The following CSMD1 variants were observed in gnomAD, a reference collection of about 807,000 sequenced individuals.
The protein encoded by CSMD1 is CUB and Sushi multiple domains 1.
Under a neutral mutation model 417.5 loss-of-function variants are expected in CSMD1, and 213 were observed. The ratio of observed to expected loss-of-function variants is 0.51; its 90% CI spans 0.46 to 0.57. The LOEUF (loss-of-function observed/expected upper bound fraction) is 0.57, where lower values mean the gene tolerates loss of function less well. Among genes scored for constraint, CSMD1 ranks in the 20% least tolerant of loss-of-function variants. CSMD1 has a pLI of 0.00. For synonymous variants in CSMD1, 2,862 were observed against 1,736.8 expected (o/e 1.65, Z -16.11); for missense variants, 6,923 against 4,529.7 (o/e 1.53, Z -15.17).
intron 1 of CSMD1, among the ~76,000 whole-genome samples, chr8:4,843,120 A>G (rs1214610365): frequency 6.6e-6 from 1 of 152,182 alleles, no homozygotes; most frequent in Non-Finnish European, 1.5e-5. Context: ...TTGAGAGTCG[A>G]GGAAATGAAC....
chr8:4,472,656 A>G (rs1421127991), intron 2 of CSMD1, among the ~76,000 whole-genome samples: 1 of 152,090 alleles, frequency 6.6e-6, no homozygotes, highest in East Asian at 1.9e-4. Flanking sequence ...CAAATAATTT[A>G]TAAAATATTA....
At chr8:3,439,857 C>T (rs981843615) in intron 12 of CSMD1, among the ~76,000 whole-genome samples, 3 of 152,140 alleles carry the variant, frequency 2.0e-5, no homozygotes, top group South Asian at 2.1e-4. Flanking sequence ...CACATGGAGG[C>T]ACATTTTTGG....
At chr8:3,812,933 C>T (rs550129134) in intron 5 of CSMD1, among the ~76,000 whole-genome samples, 37 of 152,188 alleles carry the variant, frequency 2.4e-4, no homozygotes, top group East Asian at 5.8e-4. Flanking sequence ...TCTTTGATAA[C>T]GTCAGGTATC....
chr8:4,717,385 A>G (rs1320538215), intron 1 of CSMD1, among the ~76,000 whole-genome samples: 5 of 137,312 alleles, frequency 3.6e-5, no homozygotes, highest in Admixed American at 1.4e-4. Context: ...ACACACACAC[A>G]TATACATACA....
At chr8:4,633,281 C>G (rs1022298816) in intron 2 of CSMD1, among the ~76,000 whole-genome samples, 1 of 152,154 alleles carries the variant, frequency 6.6e-6, no homozygotes, top group South Asian at 2.1e-4. Context: ...GAGTTTCAGT[C>G]TGTCCCCCAG....
chr8:4,419,449 T>G (rs986209522), intron 3 of CSMD1, among the ~76,000 whole-genome samples: 1 of 152,146 alleles, frequency 6.6e-6, no homozygotes, highest in African/African-American at 2.4e-5. Context: ...GCACAAAATC[T>G]GAAGACATGA....
intron 23 of CSMD1, among the ~76,000 whole-genome samples, chr8:3,336,757 G>T: frequency 6.6e-6 from 1 of 152,194 alleles, no homozygotes; most frequent in East Asian, 1.9e-4. Context: ...TCAGAGTCCC[G>T]CCCCCAGCTG....
At chr8:3,799,466 A>C (rs1800343381) in intron 5 of CSMD1, among the ~76,000 whole-genome samples, 1 of 137,884 alleles carries the variant, frequency 7.3e-6, no homozygotes, top group Non-Finnish European at 1.5e-5. Context: ...CTCACTGTTC[A>C]GTTCCCACCT....
chr8:4,350,996 T>C (rs1055936770), intron 3 of CSMD1, among the ~76,000 whole-genome samples: 48 of 152,168 alleles, frequency 3.2e-4, no homozygotes, highest in African/African-American at 1.1e-3. Context: ...CCTCTCTGCT[T>C]AATCGAAATT....
rs192166101 is a variant in CSMD1, at chr8:4,807,157, G to A, written c.86-169599C>T. Among the ~76,000 whole-genome samples, 18 of 152,312 alleles carry A rather than the reference G, an allele frequency of 1.2e-4. No homozygotes were observed. In the South Asian group the frequency reaches 3.7e-3, roughly 32 times the overall value. The stretch of plus-strand genomic sequence containing the variant: ...AAGACTACTCGAGTAATTTAGGACT[G>A]TGATTAAAGTGGATGACATTATTGT... On this transcript the variant is annotated intron_variant, in intron 1 of 69. Transcript: ENST00000635120.
At chr8:3,868,900 T>C (rs751221991) in intron 5 of CSMD1, among the ~76,000 whole-genome samples, 9 of 152,182 alleles carry the variant, frequency 5.9e-5, no homozygotes, top group Non-Finnish European at 8.8e-5. Flanking sequence ...CTTGCTTCCA[T>C]CTTTCCAACA....
chr8:4,312,769 G>A (rs898617687), intron 3 of CSMD1, among the ~76,000 whole-genome samples: 185 of 152,198 alleles, frequency 1.2e-3, no homozygotes, highest in African/African-American at 4.0e-3. Flanking sequence ...AGCTACTCCG[G>A]AGGCTGAAGC....
At chr8:4,881,380 G>A (rs543264010) in intron 1 of CSMD1, among the ~76,000 whole-genome samples, 37 of 151,816 alleles carry the variant, frequency 2.4e-4, no homozygotes, top group Non-Finnish European at 1.5e-4. Context: ...GCAATTAAAT[G>A]GATATAGTTG....
chr8:3,776,265 C>A lies in CSMD1; in HGVS notation c.819-22223G>T, dbSNP rs182986556. 2.3e-3 allele frequency among the ~76,000 whole-genome samples: 346 copies of A among 152,288 alleles called. 5 individuals carry two copies. The highest frequency in any genetic ancestry group is 0.021 in the Admixed American group (328 of 15,300). ...AGCCTCCCTGCTTCTATCCTCCCTG[C>A]TCCATTCTATTCTCAGAACACTGTC... On this transcript the variant is annotated intron_variant, in intron 5 of 69. Coordinates refer to ENST00000635120, the MANE Select transcript of CSMD1 (RefSeq NM_033225.6).
intron 3 of CSMD1, among the ~76,000 whole-genome samples, chr8:4,181,134 C>T (rs1218531156): frequency 6.6e-6 from 1 of 152,116 alleles, no homozygotes; most frequent in Non-Finnish European, 1.5e-5. Context: ...TGCTGCGAAA[C>T]AGCCATCTAT....
At chr8:3,415,044 C>A (rs967888913) in intron 12 of CSMD1, among the ~76,000 whole-genome samples, 1 of 152,198 alleles carries the variant, frequency 6.6e-6, no homozygotes, top group Non-Finnish European at 1.5e-5. Flanking sequence ...CAACACACAA[C>A]AGATGCTTTT....
chr8:4,388,494 G>T (rs533751721), intron 3 of CSMD1, among the ~76,000 whole-genome samples: 4 of 149,610 alleles, frequency 2.7e-5, no homozygotes, highest in Non-Finnish European at 5.9e-5. Flanking sequence ...TATGTGGGAG[G>T]TAAGTTGTGA....
chr8:4,454,834 G>C (rs1799372469), intron 2 of CSMD1, among the ~76,000 whole-genome samples: 1 of 152,028 alleles, frequency 6.6e-6, no homozygotes, highest in Non-Finnish European at 1.5e-5. Flanking sequence ...GAAGAGCAAA[G>C]GTTTTTTTCC....
chr8:4,800,438 C>CA (rs11463488), intron 1 of CSMD1, among the ~76,000 whole-genome samples: 6,103 of 114,862 alleles, frequency 0.053, 173 homozygotes, highest in African/African-American at 0.064. Context: ...GACTTCATCT[C>CA]AAAAAAAAAA....
Sources: allele counts gnomAD v4.1 joint callset (sites outside exome capture counted in the v4.1 genomes callset), GRCh38; gene constraint gnomAD v4.1.1; transcripts MANE v1.5; gene names NCBI Gene and HGNC (gene_info 2026-07-23, HGNC 2026-07-21).